SMCO4: variants seen among roughly 807,000 people sequenced by gnomAD.
SMCO4 encodes the protein single-pass membrane protein with coiled-coil domains 4.
SMCO4 carries 4 observed loss-of-function variants against 3.6 expected under a neutral mutation model. The observed-to-expected ratio is 1.11, with a 90% CI of 0.54 to 2.53. The LOEUF is 2.53. Ranked by LOEUF, SMCO4 falls within the 30% of genes most tolerant of loss-of-function variation. SMCO4 has a pLI of 0.02. For synonymous variants in SMCO4, 36 were observed against 35.3 expected (o/e 1.02, Z -0.07); for missense variants, 70 against 80.8 (o/e 0.87, Z 0.51).
intron 1 of SMCO4, among the ~76,000 whole-genome samples, chr11:93,525,312 A>G (rs1262400604): frequency 6.6e-6 from 1 of 152,224 alleles, no homozygotes; most frequent in Non-Finnish European, 1.5e-5. Flanking sequence ...TGGAGAAAAT[A>G]ATAACCACTT....
In SMCO4 at chr11:93,479,022, G is replaced by A. The variant is rs147012488; in HGVS notation, c.168C>T (p.Thr56=). 67 of 1,607,226 alleles carry A rather than the reference G, an allele frequency of 4.2e-5. 1 individual carries two copies. The African/African-American group carries it at 8.0e-4, about 19-fold the overall frequency. The change falls in exon 3 of 3, where the codon ACC becomes ACT. Residue 56 remains threonine (T), a synonymous_variant. Transcript: ENST00000298966. ...CCGGCTGCGGGGCTCACTCGGTGAT[G>A]GTGGGGCGCGTGGCCACGTACACAA... is the stretch of plus-strand genomic sequence containing the variant. ...VVFVYVATRP[T]ITE
intron 1 of SMCO4, among the ~76,000 whole-genome samples, chr11:93,535,068 C>T (rs1222103981): frequency 2.6e-5 from 4 of 152,210 alleles, no homozygotes; most frequent in Non-Finnish European, 4.4e-5. Flanking sequence ...TTCCCAGTGC[C>T]CCTCCCCAGT....
intron 1 of SMCO4, among the ~76,000 whole-genome samples, chr11:93,511,952 A>C (rs1264435596): frequency 1.3e-5 from 2 of 152,232 alleles, no homozygotes; most frequent in African/African-American, 4.8e-5. Flanking sequence ...AACTGGGTCA[A>C]TAGTGATCTC....
chr11:93,545,261 T>C (rs1414049836), upstream of SMCO4, among the ~76,000 whole-genome samples: 1 of 152,176 alleles, frequency 6.6e-6, no homozygotes, highest in East Asian at 1.9e-4. Context: ...TGCTCCCTTA[T>C]AGTAGTAATA....
chr11:93,546,089 G>A (rs1056094445), upstream of SMCO4, among the ~76,000 whole-genome samples: 162 of 152,272 alleles, frequency 1.1e-3, 1 homozygote, highest in East Asian at 9.6e-4. Flanking sequence ...TAAGTGTTAG[G>A]GTGGTTTGTT....
intron 2 of SMCO4, among the ~76,000 whole-genome samples, chr11:93,488,423 G>A (rs1420469761): frequency 6.6e-6 from 1 of 152,248 alleles, no homozygotes; most frequent in East Asian, 1.9e-4. Context: ...AATCAGTGAA[G>A]ATGCTAATGA....
At chr11:93,487,648 T>C (rs1379069548) in intron 2 of SMCO4, among the ~76,000 whole-genome samples, 12 of 152,222 alleles carry the variant, frequency 7.9e-5, no homozygotes, top group Admixed American at 7.9e-4. Flanking sequence ...TCTCAATAAA[T>C]CAGATAAGTC....
At chr11:93,543,106 C>T (rs1256069969) in intron 1 of SMCO4, among the ~76,000 whole-genome samples, 170 bp downstream of exon 1, 1 of 151,622 alleles carries the variant, frequency 6.6e-6, no homozygotes. Flanking sequence ...CGGGACCCGC[C>T]GGGCGCCCAG....
At chr11:93,496,895 G>C (rs1486415647) in intron 2 of SMCO4, among the ~76,000 whole-genome samples, 1 of 152,156 alleles carries the variant, frequency 6.6e-6, no homozygotes, top group Non-Finnish European at 1.5e-5. Context: ...GTTGGTATCT[G>C]GTCCTGGGCC....
intron 1 of SMCO4, among the ~76,000 whole-genome samples, chr11:93,519,484 G>T (rs1259139108): frequency 6.6e-6 from 1 of 152,204 alleles, no homozygotes; most frequent in Non-Finnish European, 1.5e-5. Flanking sequence ...CATTGTGCAT[G>T]CCTGTCCAAG....
At chr11:93,494,128 G>T (rs1948749557) in intron 2 of SMCO4, among the ~76,000 whole-genome samples, 1 of 152,164 alleles carries the variant, frequency 6.6e-6, no homozygotes, top group Non-Finnish European at 1.5e-5. Flanking sequence ...CAAGGCAAGG[G>T]ATGCCACCCT....
intron 2 of SMCO4, among the ~76,000 whole-genome samples, chr11:93,480,215 C>T (rs146468170): frequency 6.6e-6 from 1 of 152,304 alleles, no homozygotes; most frequent in Non-Finnish European, 1.5e-5. Context: ...GAACCAGGCT[C>T]AGAAAATGGG....
upstream of SMCO4, among the ~76,000 whole-genome samples, chr11:93,546,746 T>C (rs569100912): frequency 4.5e-4 from 69 of 152,350 alleles, no homozygotes; most frequent in African/African-American, 1.5e-3. Context: ...GCTCAAAATA[T>C]GTCTGTAACT....
At chr11:93,529,431 T>A (rs1451933252) in intron 1 of SMCO4, among the ~76,000 whole-genome samples, 1 of 152,060 alleles carries the variant, frequency 6.6e-6, no homozygotes, top group Non-Finnish European at 1.5e-5. Context: ...CACATAATTA[T>A]CTTCTAAAGC....
At chr11:93,512,325 C>T (rs1449440293) in intron 1 of SMCO4, among the ~76,000 whole-genome samples, 7 of 152,132 alleles carry the variant, frequency 4.6e-5, no homozygotes, top group Admixed American at 4.6e-4. Flanking sequence ...TCATGGCCAT[C>T]ATAAAACCGT....
chr11:93,535,204 C>T (rs1007991783), intron 1 of SMCO4, among the ~76,000 whole-genome samples: 3 of 152,112 alleles, frequency 2.0e-5, no homozygotes, highest in Non-Finnish European at 2.9e-5. Flanking sequence ...GTCCTATTAC[C>T]ATAACTAGCA....
intron 1 of SMCO4, chr11:93,523,426 G>A (rs1361082485): frequency 6.6e-6 from 1 of 152,552 alleles, no homozygotes; most frequent in East Asian, 1.9e-4. Context: ...GGGAGGCCAA[G>A]GCAGGTGGAT....
intron 1 of SMCO4, among the ~76,000 whole-genome samples, chr11:93,517,287 T>C (rs1949016144): frequency 6.6e-6 from 1 of 152,200 alleles, no homozygotes; most frequent in South Asian, 2.1e-4. Flanking sequence ...GCTGTCACCC[T>C]ACTGCTGCCT....
Position 93,534,245 on chromosome 11 carries a change from C to T in SMCO4, c.-154+9031G>A, listed in dbSNP as rs1181351862. On this transcript the variant is annotated intron_variant, in intron 1 of 2. Transcript: ENST00000298966. Reference sequence around the variant, plus strand: ...ACACACACACACACACACACACACACACACACACACACACACAAACACATA... The same window carrying T: ...ACACACACACACACACACACACACATACACACACACACACACAAACACATA... 7.2e-4 allele frequency among the ~76,000 whole-genome samples: 35 copies of T among 48,946 alleles called. 1 individual carries two copies. The highest frequency in any genetic ancestry group is 1.1e-3 in the Non-Finnish European group (25 of 23,010). 32.1% of individuals were successfully genotyped at this position (48,946 alleles called of 152,430 possible).
Sources: allele counts gnomAD v4.1 joint callset (sites outside exome capture counted in the v4.1 genomes callset), GRCh38; gene constraint gnomAD v4.1.1; transcripts MANE v1.5; gene names NCBI Gene and HGNC (gene_info 2026-07-23, HGNC 2026-07-21).